Variants in NTRK2 observed in about 807,000 individuals in gnomAD.
NTRK2 encodes neurotrophic receptor tyrosine kinase 2, also known as BDNF/NT-3 growth factors receptor.
NTRK2 carries 13 observed loss-of-function variants against 94.5 expected under a neutral mutation model. The ratio of observed to expected loss-of-function variants is 0.14; its 90% CI spans 0.09 to 0.22. NTRK2 has a LOEUF of 0.22. Among genes scored for constraint, NTRK2 ranks in the 10% least tolerant of loss-of-function variants. The pLI is 1.00. For missense variants in NTRK2, 639 were observed against 1,071.2 expected (o/e 0.60, Z 5.63); for synonymous variants, 372 against 407.4 (o/e 0.91, Z 1.05).
chr9:84,909,637 T>G (rs1428457853), intron 14 of NTRK2, among the ~76,000 whole-genome samples: 3 of 152,170 alleles, frequency 2.0e-5, no homozygotes, highest in African/African-American at 7.2e-5. Flanking sequence ...GATAGGTATG[T>G]AAGATGTCTC....
intron 12 of NTRK2, among the ~76,000 whole-genome samples, chr9:84,787,261 GCA>G (rs1279500433): frequency 6.6e-6 from 1 of 152,106 alleles, no homozygotes; most frequent in Non-Finnish European, 1.5e-5. Flanking sequence ...TCACACCACT[GCA>G]CTCCAGCCTG....
intron 14 of NTRK2, among the ~76,000 whole-genome samples, chr9:84,915,489 G>T (rs545174759): frequency 6.6e-6 from 1 of 152,160 alleles, no homozygotes; most frequent in Non-Finnish European, 1.5e-5. Context: ...TTCTAGCCAC[G>T]TGTTCTCTGC....
At chr9:84,813,140 G>T in intron 12 of NTRK2, 2 of 1,042,810 alleles carry the variant, frequency 1.9e-6, no homozygotes, top group Non-Finnish European at 2.3e-6. Flanking sequence ...CTGAAATCGG[G>T]CCTGTCACTC....
At chr9:84,712,108 G>A (rs922529002) in intron 6 of NTRK2, among the ~76,000 whole-genome samples, 1 of 152,118 alleles carries the variant, frequency 6.6e-6, no homozygotes, top group African/African-American at 2.4e-5. Context: ...CATGGCAGTT[G>A]TGGCCACATT....
intron 12 of NTRK2, among the ~76,000 whole-genome samples, chr9:84,855,423 A>C (rs1395691164): frequency 6.6e-6 from 1 of 152,192 alleles, no homozygotes; most frequent in Non-Finnish European, 1.5e-5. Flanking sequence ...ATATGTATTG[A>C]AGTGGTTCTT....
intron 15 of NTRK2, among the ~76,000 whole-genome samples, chr9:84,943,569 T>C (rs943945083): frequency 2.6e-5 from 4 of 152,136 alleles, no homozygotes; most frequent in African/African-American, 9.7e-5. Context: ...GAAATGAAAC[T>C]ACAAAGCAGA....
At chr9:84,878,763 G>A (rs2132183824) in intron 14 of NTRK2, among the ~76,000 whole-genome samples, 1 of 152,094 alleles carries the variant, frequency 6.6e-6, no homozygotes, top group South Asian at 2.1e-4. Flanking sequence ...TTAATTGTGT[G>A]CACAAAGCAA....
intron 2 of NTRK2, among the ~76,000 whole-genome samples, 186 bp downstream of exon 2, chr9:84,671,146 A>G (rs977157907): frequency 2.6e-5 from 4 of 152,244 alleles, no homozygotes; most frequent in Admixed American, 6.5e-5. Flanking sequence ...TGCAGGGAGA[A>G]GTGTGACACT....
intron 17 of NTRK2, among the ~76,000 whole-genome samples, chr9:84,976,011 C>A (rs574375663): frequency 5.3e-5 from 8 of 152,238 alleles, no homozygotes; most frequent in Non-Finnish European, 5.9e-5. Context: ...AGAGCTCTGC[C>A]TTTTGGTAGA....
At chr9:84,913,861 T>C (rs2077315313) in intron 14 of NTRK2, among the ~76,000 whole-genome samples, 1 of 116,076 alleles carries the variant, frequency 8.6e-6, no homozygotes, top group Admixed American at 9.4e-5. Context: ...TTTTTCAACT[T>C]TATTATTATT....
rs75039012 is a variant in NTRK2, at chr9:84,890,066, T to A, written c.1633+22635T>A. Among the ~76,000 whole-genome samples, 703 of 152,334 alleles carry A rather than the reference T, an allele frequency of 4.6e-3. 12 individuals carry two copies. Among genetic ancestry groups the A allele is most frequent in the Admixed American group, 0.037 (572 of 15,294 alleles). ...CTTACATGAGTAAAATGAGGATAAG[T>A]ATGCCCAACTTCTTTAGTTCTTTTG... On this transcript the variant is annotated intron_variant, in intron 14 of 18. Transcript: ENST00000277120.
In NTRK2 at chr9:85,022,641, G is replaced by C. The variant is rs201807663; in HGVS notation, c.*1204G>C. 1 of 233,084 alleles carries C rather than the reference G, an allele frequency of 4.3e-6. No individual in the cohort carries two copies. Among genetic ancestry groups the C allele is most frequent in the Non-Finnish European group, 8.5e-6 (1 of 118,056 alleles). 14.4% of individuals were successfully genotyped at this position (233,084 alleles called of 1,614,324 possible). ...GCAAGCAAAATTGTGCATGGTCTTC[G>C]TCGATTAATACCTTGTGTGCAGACA... On this transcript the variant is annotated 3_prime_UTR_variant, in exon 19 of 19. Transcript: ENST00000277120.
rs1482796032 is a variant in NTRK2 at position 85,024,930 on chromosome 9, T to C, written c.*3493T>C. 3 of 232,996 alleles carry C rather than the reference T, an allele frequency of 1.3e-5. No individual in the cohort carries two copies. Among genetic ancestry groups the C allele is most frequent in the Admixed American group, 1.1e-4 (2 of 17,784 alleles). The allele number at this position is 232,996 out of a possible 1,614,324, so 14.4% of individuals were successfully genotyped here. On this transcript the variant is annotated 3_prime_UTR_variant, in exon 19 of 19. Coordinates refer to ENST00000277120, the MANE Select transcript of NTRK2 (RefSeq NM_006180.6). ...TTATGTATGTGTTATAAATACTTGATTTATACATATACAAATGCACATACG... is the reference window on the plus strand; with the variant it reads ...TTATGTATGTGTTATAAATACTTGACTTATACATATACAAATGCACATACG...
At chr9:84,851,415 T>C (rs2074762276) in intron 12 of NTRK2, among the ~76,000 whole-genome samples, 1 of 152,240 alleles carries the variant, frequency 6.6e-6, no homozygotes, top group East Asian at 1.9e-4. Context: ...GTTTTCATTT[T>C]GTCCTATTTA....
intron 17 of NTRK2, among the ~76,000 whole-genome samples, chr9:85,015,977 A>T (rs1832181171): frequency 6.6e-6 from 1 of 152,206 alleles, no homozygotes; most frequent in African/African-American, 2.4e-5. Context: ...TAAACTACTT[A>T]AACTGACTGA....
chr9:84,926,191 TTTCTTTCTTTCTTTC>T (rs2077802194), intron 14 of NTRK2, among the ~76,000 whole-genome samples: 3 of 139,264 alleles, frequency 2.2e-5, no homozygotes, highest in Admixed American at 7.6e-5. Context: ...TCTTTCTTTC[TTTCTTTCTTTCTTTC>T]TTTCTTTCTT....
At chr9:84,921,498 G>C (rs951098664) in intron 14 of NTRK2, among the ~76,000 whole-genome samples, 3 of 151,856 alleles carry the variant, frequency 2.0e-5, no homozygotes, top group African/African-American at 7.3e-5. Flanking sequence ...AAAGAGGCAG[G>C]GGACAAAAAA....
chr9:84,670,275 CTGGGGTCGGGG>C (rs2058618277), intron 1 of NTRK2, 91 bp from the exon 2 acceptor site: 1 of 258,392 alleles, frequency 3.9e-6, no homozygotes, highest in Non-Finnish European at 7.4e-6. Context: ...AGTCTCCGGG[CTGGGGTCGGGG>C]TGGGGATGAC....
At chr9:84,899,988 T>TA (rs1405101823) in intron 14 of NTRK2, among the ~76,000 whole-genome samples, 1 of 152,162 alleles carries the variant, frequency 6.6e-6, no homozygotes, top group Non-Finnish European at 1.5e-5. Flanking sequence ...AACTGAACAA[T>TA]ATCTGTCAGG....
Sources: gnomAD v4.1 joint callset for allele counts (sites outside exome capture counted in the v4.1 genomes callset) on GRCh38, gnomAD v4.1.1 for gene constraint, MANE v1.5 for transcripts, NCBI Gene and HGNC (gene_info 2026-07-23, HGNC 2026-07-21) for gene names.